The following SPAG5 variants were observed in gnomAD, a reference collection of about 807,000 sequenced individuals.
SPAG5 encodes sperm associated antigen 5.
In SPAG5, 99 loss-of-function variants were observed where a neutral mutation model predicts 145.4. The observed-to-expected ratio is 0.68, with a 90% confidence interval of 0.58 to 0.80. SPAG5 has a LOEUF of 0.80. Among genes scored for constraint, SPAG5 ranks in the 30% least tolerant of loss-of-function variants. SPAG5 has a pLI of 0.00. For missense variants in SPAG5, 1,192 were observed against 1,416.0 expected (o/e 0.84, Z 2.54); for synonymous variants, 477 against 525.4 (o/e 0.91, Z 1.26).
At position 28,583,906 on chromosome 17, in the gene SPAG5, G is replaced by A. The variant is rs749394034; in HGVS notation, c.2493C>T (p.Leu831=). 5.0e-6 allele frequency: 8 copies of A among 1,614,138 alleles called. 1 individual carries two copies. The highest frequency in any genetic ancestry group is 3.3e-4 in the Middle Eastern group (2 of 6,056). Residue 831 remains leucine (L), a synonymous_variant, in exon 14 of 24, where the codon CTC becomes CTT. Coordinates refer to ENST00000321765, the MANE Select transcript of SPAG5 (RefSeq NM_006461.4). ...TCTCACACTGCAAGCTGCGCTCCCGGAGCACTTCCAGTGTGGTTTTCAATT... is the reference window on the plus strand; with the variant it reads ...TCTCACACTGCAAGCTGCGCTCCCGAAGCACTTCCAGTGTGGTTTTCAATT... The part of the protein sequence containing the change: ...ECQLKTTLEV[L]RERSLQCENL...
chr17:28,585,228 G>C lies in SPAG5; in HGVS notation c.1954-13C>G. ...TCCATGTTGTATACTACCAGGGGAA[G>C]CAAGCAGGTCAGTAGAGCACACTTG... On this transcript the variant is annotated splice_polypyrimidine_tract_variant and intron_variant, in intron 9 of 23. Transcript: ENST00000321765. 6.2e-7 allele frequency: 1 copy of C among 1,613,358 alleles called. No homozygotes were observed. The highest frequency in any genetic ancestry group is 8.5e-7 in the Non-Finnish European group (1 of 1,179,272).
intron 15 of SPAG5, among the ~76,000 whole-genome samples, chr17:28,581,813 T>C (rs1027976764): frequency 6.6e-6 from 1 of 152,200 alleles, no homozygotes; most frequent in East Asian, 1.9e-4. Context: ...GTGTCTGAGT[T>C]GTGGGGAATT....
chr17:28,578,322 CA>C, intron 21 of SPAG5, 30 bp from the exon 22 acceptor site: 1 of 1,614,082 alleles, frequency 6.2e-7, no homozygotes, highest in Non-Finnish European at 8.5e-7. Flanking sequence ...AACAGGGGTA[CA>C]GCCTGGGGTC....
Position 28,585,385 on chromosome 17 carries a change from C to T in SPAG5, c.1887G>A (p.Glu629=). 6.2e-7 allele frequency: 1 copy of T among 1,614,250 alleles called. No individual in the cohort carries two copies. Among genetic ancestry groups the T allele is most frequent in the Non-Finnish European group, 8.5e-7 (1 of 1,180,048 alleles). ...QLVGLHAKQE[E]LVQQTVSLTS... ...TAAGACTCACTGTCTGCTGAACCAGCTCTTCTTGCTTGGCATGAAGCCCTA... is the reference window on the plus strand; with the variant it reads ...TAAGACTCACTGTCTGCTGAACCAGTTCTTCTTGCTTGGCATGAAGCCCTA... Residue 629 remains glutamate, a synonymous_variant, in exon 9 of 24, where the codon GAG becomes GAA. Transcript: ENST00000321765.
At chr17:28,589,578 C>T (rs1309810665) in intron 4 of SPAG5, among the ~76,000 whole-genome samples, 1 of 151,940 alleles carries the variant, frequency 6.6e-6, no homozygotes, top group Non-Finnish European at 1.5e-5. Context: ...TTATTTTTCT[C>T]AGAATTTCAG....
Position 28,577,636 on chromosome 17 carries a change from G to C in SPAG5, c.*63C>G. On this transcript the variant is annotated 3_prime_UTR_variant, in exon 24 of 24. Transcript: ENST00000321765. ...AGTTGGCTCTATGCCAGTTGGTCTT[G>C]GTATTGGGGTAAGGGGGTATTGCAG... The C allele has an allele frequency of 1.8e-6, 2 of 1,106,970 alleles. No individual in the cohort carries two copies. Among genetic ancestry groups the C allele is most frequent in the Non-Finnish European group, 2.8e-6 (2 of 717,844 alleles). 68.6% of individuals were successfully genotyped at this position (1,106,970 alleles called of 1,614,324 possible). A position where few individuals can be genotyped will look rare whatever the true frequency, so the allele number is the denominator to read the frequency against.
chr17:28,578,761 G>A lies in SPAG5; in HGVS notation c.3118-9C>T. The A allele has an allele frequency of 6.2e-7, 1 of 1,610,120 alleles. No individual in the cohort carries two copies. The highest frequency in any genetic ancestry group is 8.5e-7 in the Non-Finnish European group (1 of 1,176,466). On this transcript the variant is annotated splice_polypyrimidine_tract_variant and intron_variant, in intron 19 of 23. Transcript: ENST00000321765. ...TGGAGCTCCTTTTCATTCTGTGAGG[G>A]AAAGGGAGGTGAGAAGACACATGAA...
At chr17:28,580,265 C>T (rs1400693106) in intron 15 of SPAG5, 145 bp from the exon 16 acceptor site, 2 of 518,690 alleles carry the variant, frequency 3.9e-6, no homozygotes, top group African/African-American at 3.8e-5. Context: ...GTGCCTTTCT[C>T]TGAACATGTT....
Position 28,583,875 on chromosome 17 carries a change from T to G in SPAG5, c.2524A>C (p.Lys842Gln). 6.2e-7 allele frequency: 1 copy of G among 1,614,136 alleles called. No individual in the cohort carries two copies. Among genetic ancestry groups the G allele is most frequent in the Non-Finnish European group, 8.5e-7 (1 of 1,179,976 alleles). Residue 842 changes from lysine to glutamine, a missense_variant, in exon 14 of 24, where the codon AAG becomes CAG. Lys to Gln is a moderately conservative substitution (Grantham distance 53). Around this residue, in one of 5 missense-constraint regions of SPAG5, gnomAD observed 709 missense variants for 840.7 expected, o/e 0.84. Coordinates refer to ENST00000321765, the MANE Select transcript of SPAG5 (RefSeq NM_006461.4). ...TACGTTAGGTTCTCTACAGTGTCCT[T>G]GAGGTTCTCACACTGCAAGCTGCGC... ...RERSLQCENL[K>Q]DTVENLTAKL...
chr17:28,589,704 G>A (rs539376569), intron 4 of SPAG5, among the ~76,000 whole-genome samples: 2 of 152,222 alleles, frequency 1.3e-5, no homozygotes, highest in East Asian at 3.9e-4. Context: ...GAGCCCAGGG[G>A]TTTGAGAACA....
intron 2 of SPAG5, among the ~76,000 whole-genome samples, chr17:28,595,619 C>T (rs1014269689): frequency 1.1e-4 from 17 of 151,662 alleles, no homozygotes; most frequent in African/African-American, 1.5e-4. Context: ...CATGGTGGCA[C>T]GCGCCTGTAA....
Position 28,586,078 on chromosome 17 carries a change from C to T in SPAG5, c.1605+12G>A. 3 of 1,613,924 alleles carry T rather than the reference C, an allele frequency of 1.9e-6. No individual in the cohort carries two copies. The highest frequency in any genetic ancestry group is 2.5e-6 in the Non-Finnish European group (3 of 1,179,780). ...CACCACAGGCCTCCACCTCCATCTT[C>T]AGGCTGCTTACCTCCTGACTCACAG... is the stretch of plus-strand genomic sequence containing the variant. On this transcript the variant is annotated intron_variant, in intron 6 of 23. Transcript: ENST00000321765.
chr17:28,578,482 G>C lies in SPAG5; in HGVS notation c.3245C>G (p.Ala1082Gly). ...CTGGAGCACTTTGGTCTCTGTCTCCGCACGCCGAAGTGAGCGGGTAAGGTG... is the reference window on the plus strand; with the variant it reads ...CTGGAGCACTTTGGTCTCTGTCTCCCCACGCCGAAGTGAGCGGGTAAGGTG... ...VTHLTRSLRR[A>G]ETETKVLQEA... Residue 1082 changes from alanine (A) to glycine (G), a missense_variant, in exon 21 of 24, where the codon GCG (alanine) becomes GGG (glycine). Physicochemically the swap from Ala to Gly is moderately conservative, Grantham distance 60 (BLOSUM62 0). Transcript: ENST00000321765. 6.2e-7 allele frequency: 1 copy of C among 1,612,704 alleles called. No individual in the cohort carries two copies. The highest frequency in any genetic ancestry group is 8.5e-7 in the Non-Finnish European group (1 of 1,180,016).
In SPAG5 at chr17:28,586,089, C is replaced by T; in HGVS notation, c.1605+1G>A. The T allele has an allele frequency of 6.2e-7, 1 of 1,613,934 alleles. No individual in the cohort carries two copies. ...TCCACCTCCATCTTCAGGCTGCTTA[C>T]CTCCTGACTCACAGTAGTCTTATCT... On this transcript the variant is annotated splice_donor_variant, in intron 6 of 23. Coordinates refer to ENST00000321765, the MANE Select transcript of SPAG5 (RefSeq NM_006461.4). LOFTEE classifies it high-confidence loss of function.
intron 2 of SPAG5, among the ~76,000 whole-genome samples, chr17:28,595,110 T>A (rs1345655270): frequency 6.6e-6 from 1 of 151,648 alleles, no homozygotes; most frequent in East Asian, 1.9e-4. Flanking sequence ...ATACAAAAAT[T>A]AGCTGGGCAT....
Position 28,592,161 on chromosome 17 carries a change from T to G in SPAG5, c.1083A>C (p.Gln361His). 1 of 1,614,082 alleles carries G rather than the reference T, an allele frequency of 6.2e-7. No homozygotes were observed. The highest frequency in any genetic ancestry group is 8.5e-7 in the Non-Finnish European group (1 of 1,180,008). The part of the protein sequence containing the change: ...NTSVMLENLR[Q>H]SLSLPSMLRD... ...GAAGCATCGAGGGAAGGGATAAGCTTTGGCGGAGATTTTCCAGCATGACGG... is the reference window on the plus strand; with the variant it reads ...GAAGCATCGAGGGAAGGGATAAGCTGTGGCGGAGATTTTCCAGCATGACGG... Residue 361 changes from glutamine to histidine, a missense_variant, in exon 3 of 24, where the codon CAA becomes CAC. By Grantham distance (24) the Gln-to-His change is conservative. Around this residue, in one of 5 missense-constraint regions of SPAG5, gnomAD observed 125 missense variants for 143.8 expected, o/e 0.87. Coordinates refer to ENST00000321765, the MANE Select transcript of SPAG5 (RefSeq NM_006461.4).
Position 28,584,174 on chromosome 17 carries a change from C to T in SPAG5, c.2388G>A (p.Val796=). Residue 796 remains valine, a synonymous_variant, in exon 13 of 24, where the codon GTG becomes GTA. Transcript: ENST00000321765. ...QQQQAVLAKE[V]RDLKETLEFA... ...CCTCCAAGGTCTCTTTCAGGTCCCG[C>T]ACCTCTTTGGCCAGGACAGCTTGTT... 1 of 1,614,092 alleles carries T rather than the reference C, an allele frequency of 6.2e-7. No homozygotes were observed. Among genetic ancestry groups the T allele is most frequent in the Non-Finnish European group, 8.5e-7 (1 of 1,180,036 alleles).
At position 28,592,756 on chromosome 17, in the gene SPAG5, G is replaced by T; in HGVS notation, c.488C>A (p.Pro163His). 6.2e-7 allele frequency: 1 copy of T among 1,614,154 alleles called. No homozygotes were observed. The highest frequency in any genetic ancestry group is 8.5e-7 in the Non-Finnish European group (1 of 1,180,030). The stretch of plus-strand genomic sequence containing the variant: ...TCTCACCAGATCGTCTGTTCTCAAA[G>T]GTCCATTTAAAGATATGCTGTTTGT... ...AETNSISLNG[P>H]LRTDDLVREE... The change falls in exon 3 of 24, where the codon CCT becomes CAT. Residue 163 changes from proline to histidine, a missense_variant. By Grantham distance (77) the Pro-to-His change is moderately conservative. Around this residue, in one of 5 missense-constraint regions of SPAG5, gnomAD observed 329 missense variants for 354.0 expected, o/e 0.93. Transcript: ENST00000321765.
chr17:28,591,628 G>A, intron 4 of SPAG5, 70 bp downstream of exon 4: 1 of 1,425,692 alleles, frequency 7.0e-7, no homozygotes, highest in Non-Finnish European at 9.6e-7. Context: ...TTTGCCCTCT[G>A]GCAGCTTCTC....
Sources: allele counts gnomAD v4.1 joint callset (sites outside exome capture counted in the v4.1 genomes callset), GRCh38; gene constraint gnomAD v4.1.1; regional missense constraint gnomAD v4.1.1; transcripts MANE v1.5; gene names NCBI Gene and HGNC (gene_info 2026-07-23, HGNC 2026-07-21).